The following ARPC4 variants were observed in gnomAD, a reference collection of about 807,000 sequenced individuals.
ARPC4 encodes the protein actin related protein 2/3 complex subunit 4.
Under a neutral mutation model 22.8 loss-of-function variants are expected in ARPC4, and 3 were observed. That is an observed-to-expected ratio of 0.13 (90% CI 0.06 to 0.34). The LOEUF (loss-of-function observed/expected upper bound fraction) is 0.34, where lower values mean the gene tolerates loss of function less well. Among genes scored for constraint, ARPC4 ranks in the 10% least tolerant of loss-of-function variants. The pLI, the probability that ARPC4 is intolerant of heterozygous loss-of-function variation, is 1.00. For synonymous variants in ARPC4, 80 were observed against 72.5 expected, an observed-to-expected ratio of 1.10 and a Z score of -0.52; for missense variants, 98 against 211.0, an observed-to-expected ratio of 0.46 and a Z score of 3.32.
chr3:9,803,821 T>A, intron 4 of ARPC4, 22 bp from the exon 5 acceptor site: 1 of 1,608,680 alleles, frequency 6.2e-7, no homozygotes, highest in Non-Finnish European at 8.5e-7. Context: ...CTCTTCCCCC[T>A]CCCTACTGTC....
chr3:9,802,812 T>C (rs956350899), intron 4 of ARPC4, among the ~76,000 whole-genome samples: 2 of 151,984 alleles, frequency 1.3e-5, no homozygotes, highest in African/African-American at 4.8e-5. Flanking sequence ...TAGCTGGGAT[T>C]ATAGGCACGC....
chr3:9,806,249 A>G lies in ARPC4; in HGVS notation c.*34A>G, dbSNP rs1359420678. 1.2e-6 allele frequency: 2 copies of G among 1,611,220 alleles called. No individual in the cohort carries two copies. The highest frequency in any genetic ancestry group is 1.7e-5 in the Admixed American group (1 of 59,992). On this transcript the variant is annotated 3_prime_UTR_variant, in exon 6 of 6. Transcript: ENST00000397261. ...GCTGGATCTCGTGGCCTTCCCCCTC[A>G]GACTACCCATGTCTCCACGAAGGCG...
intron 3 of ARPC4, 67 bp downstream of exon 3, chr3:9,800,363 G>A: frequency 1.3e-6 from 2 of 1,521,418 alleles, no homozygotes; most frequent in Non-Finnish European, 1.8e-6. Flanking sequence ...TTTCAGTCCG[G>A]GGTCCCCATC....
At chr3:9,803,671 A>C (rs1575334738) in intron 4 of ARPC4, 172 bp from the exon 5 acceptor site, 2 of 797,636 alleles carry the variant, frequency 2.5e-6, no homozygotes, top group Non-Finnish European at 4.4e-6. Context: ...CAACCTAGAC[A>C]CCCTCCCCCA....
rs1299927693 is a variant in ARPC4 at position 9,796,802 on chromosome 3, G to A, written c.4-857G>A. Among the ~76,000 whole-genome samples, 10 of 151,798 alleles carry A rather than the reference G, an allele frequency of 6.6e-5. 1 individual carries two copies. In the South Asian group the frequency reaches 8.3e-4, roughly 13 times the overall value. On this transcript the variant is annotated intron_variant, in intron 1 of 5. Coordinates refer to ENST00000397261, the MANE Select transcript of ARPC4 (RefSeq NM_005718.5). ...TAAAAATACAAAAAGTTAGCCGGGT[G>A]TGGTGGTGGGCGCCTGTAGTCCCAG...
intron 5 of ARPC4, 111 bp downstream of exon 5, chr3:9,804,124 A>C: frequency 1.6e-6 from 2 of 1,277,884 alleles, no homozygotes; most frequent in Non-Finnish European, 2.2e-6. Context: ...ATATCTCCTG[A>C]GCTCTCTAGG....
chr3:9,804,589 G>A (rs1017377711), intron 5 of ARPC4, among the ~76,000 whole-genome samples: 6 of 152,222 alleles, frequency 3.9e-5, no homozygotes, highest in Middle Eastern at 3.4e-3. Flanking sequence ...TGGTGACATC[G>A]TTCTTAGTTG....
intron 3 of ARPC4, among the ~76,000 whole-genome samples, chr3:9,800,842 A>G (rs1171953904): frequency 6.6e-6 from 1 of 152,152 alleles, no homozygotes; most frequent in Admixed American, 6.6e-5. Flanking sequence ...CCTTGCTAAA[A>G]TGGGAGGTTA....
At chr3:9,800,763 G>A (rs560711644) in intron 3 of ARPC4, among the ~76,000 whole-genome samples, 2 of 152,060 alleles carry the variant, frequency 1.3e-5, no homozygotes, top group Non-Finnish European at 2.9e-5. Context: ...GGATGAAAAC[G>A]AAGCACTGTT....
chr3:9,801,689 A>G lies in ARPC4; in HGVS notation c.263A>G (p.His88Arg). Reference sequence around the variant, plus strand: ...GATGAGATCGAGAAGATTTTGTGCCACAAGTTCATGCGCTTCATGATGATG... The same window carrying G: ...GATGAGATCGAGAAGATTTTGTGCCGCAAGTTCATGCGCTTCATGATGATG... ...QADEIEKILC[H>R]KFMRFMMMRA... Residue 88 changes from histidine to arginine, a missense_variant, in exon 4 of 6, where the codon CAC (histidine) becomes CGC (arginine). By Grantham distance (29) the His-to-Arg change is conservative (BLOSUM62 0). Transcript: ENST00000397261. The G allele has an allele frequency of 6.2e-7, 1 of 1,609,892 alleles. No homozygotes were observed. Among genetic ancestry groups the G allele is most frequent in the South Asian group, 1.1e-5 (1 of 90,272 alleles).
intron 2 of ARPC4, chr3:9,798,102 T>C (rs1054185401): frequency 5.7e-5 from 12 of 211,972 alleles, no homozygotes; most frequent in Admixed American, 5.6e-4. Flanking sequence ...TTATCTGAGA[T>C]TCCATCTCCA....
chr3:9,806,067 G>T, intron 5 of ARPC4, 143 bp from the exon 6 acceptor site: 1 of 934,588 alleles, frequency 1.1e-6, no homozygotes, highest in South Asian at 1.4e-5. Context: ...ATTAGAGCAT[G>T]ACCACAAGGT....
chr3:9,806,141 C>T (rs185754781), intron 5 of ARPC4, 69 bp from the exon 6 acceptor site: 3 of 1,567,244 alleles, frequency 1.9e-6, no homozygotes, highest in South Asian at 1.1e-5. Flanking sequence ...GGTTCATGCA[C>T]CTCCTTAGAG....
chr3:9,797,120 G>T (rs1313072485), intron 1 of ARPC4, among the ~76,000 whole-genome samples: 2 of 152,062 alleles, frequency 1.3e-5, no homozygotes, highest in Non-Finnish European at 1.5e-5. Flanking sequence ...CTGTTTGAGG[G>T]TAGAGACAGT....
chr3:9,804,178 G>A, intron 5 of ARPC4, 165 bp downstream of exon 5: 1 of 670,706 alleles, frequency 1.5e-6, no homozygotes, highest in Non-Finnish European at 2.4e-6. Flanking sequence ...TGGAGCTAGA[G>A]GACCCCAAGT....
chr3:9,795,941 C>G (rs1164929516), intron 1 of ARPC4, among the ~76,000 whole-genome samples: 1 of 152,064 alleles, frequency 6.6e-6, no homozygotes, highest in Non-Finnish European at 1.5e-5. Flanking sequence ...ACTAAAAATA[C>G]AAAAATTAAC....
intron 1 of ARPC4, among the ~76,000 whole-genome samples, chr3:9,795,777 C>T (rs908180418): frequency 1.3e-5 from 2 of 152,122 alleles, no homozygotes; most frequent in Admixed American, 6.5e-5. Context: ...GGTTTACAGC[C>T]TAGTAAAGGA....
chr3:9,803,559 G>C, intron 4 of ARPC4: 1 of 575,086 alleles, frequency 1.7e-6, no homozygotes, highest in Non-Finnish European at 3.3e-6. Context: ...AAGACTTCAA[G>C]TTCCTTGACT....
At chr3:9,806,110 T>A (rs376504369) in intron 5 of ARPC4, 100 bp from the exon 6 acceptor site, 3 of 1,368,738 alleles carry the variant, frequency 2.2e-6, no homozygotes, top group Admixed American at 1.7e-5. Flanking sequence ...CTCACAGATA[T>A]GAGCACAGTG....
Sources: gnomAD v4.1 joint callset for allele counts (sites outside exome capture counted in the v4.1 genomes callset) on GRCh38, gnomAD v4.1.1 for gene constraint, MANE v1.5 for transcripts, NCBI Gene and HGNC (gene_info 2026-07-23, HGNC 2026-07-21) for gene names.